Variants in ERGIC1 observed in about 807,000 individuals in gnomAD.
ERGIC1 encodes the protein endoplasmic reticulum-Golgi intermediate compartment protein 1.
ERGIC1 carries 19 observed loss-of-function variants against 38.3 expected under a neutral mutation model. The observed-to-expected ratio is 0.50, with a 90% CI of 0.35 to 0.73. The LOEUF (loss-of-function observed/expected upper bound fraction) is 0.73. ERGIC1 is among the 30% of genes least tolerant of loss of function. The probability of loss-of-function intolerance (pLI) is 0.01; values close to 1 mark genes in which losing one functional copy is unlikely to be tolerated. For missense variants in ERGIC1, 294 were observed against 389.2 expected (o/e 0.76, Z 2.06); for synonymous variants, 124 against 157.6 (o/e 0.79, Z 1.60).
At chr5:172,888,003 C>T (rs1022500564) in intron 1 of ERGIC1, among the ~76,000 whole-genome samples, 19 of 152,190 alleles carry the variant, frequency 1.2e-4, no homozygotes, top group Non-Finnish European at 8.8e-5. Context: ...TTCCTTGCTT[C>T]CTCTAGCGTC....
At chr5:172,899,336 G>A (rs1029652672) in intron 3 of ERGIC1, among the ~76,000 whole-genome samples, 2 of 84,122 alleles carry the variant, frequency 2.4e-5, no homozygotes, top group African/African-American at 1.1e-4. Context: ...TTTTTTTTTG[G>A]AGACGGAGTC....
chr5:172,845,088 G>A (rs2113523480), intron 1 of ERGIC1, among the ~76,000 whole-genome samples: 1 of 152,278 alleles, frequency 6.6e-6, no homozygotes, highest in Non-Finnish European at 1.5e-5. Flanking sequence ...AGCAGGTGAT[G>A]CCGCTAAGTC....
At position 172,952,492 on chromosome 5, in the gene ERGIC1, T is replaced by A; in HGVS notation, c.*1676T>A. The A allele has an allele frequency of 6.9e-6, 1 of 145,522 alleles. No homozygotes were observed. 9.0% of individuals were successfully genotyped at this position (145,522 alleles called of 1,614,324 possible). A position where few individuals can be genotyped will look rare whatever the true frequency, so the allele number is the denominator to read the frequency against. On this transcript the variant is annotated 3_prime_UTR_variant, in exon 10 of 10. Transcript: ENST00000393784. ...TGGAAATGTGTGGCATGCACATGAGTTGAAATTCTTTTATGCATTTTTTTG... is the reference window on the plus strand; with the variant it reads ...TGGAAATGTGTGGCATGCACATGAGATGAAATTCTTTTATGCATTTTTTTG...
rs981173864 is a variant in ERGIC1 at position 172,837,582 on chromosome 5, G to A, written c.20+3149G>A. On this transcript the variant is annotated intron_variant, in intron 1 of 9. Coordinates refer to ENST00000393784, the MANE Select transcript of ERGIC1 (RefSeq NM_001031711.3). This position sits in a 1 kb window ranked among gnomAD's most constrained non-coding sequence, Gnocchi z 4.3. ...GAGATGCCTCTTGAAATCTGTCAAG[G>A]AAGCCATAGACATGACGTGACTTGA... Among the ~76,000 whole-genome samples, 4 of 152,178 alleles carry A rather than the reference G, an allele frequency of 2.6e-5. No homozygotes were observed. Among genetic ancestry groups the A allele is most frequent in the Non-Finnish European group, 4.4e-5 (3 of 68,032 alleles).
At chr5:172,948,947 C>T (rs73327085) in intron 9 of ERGIC1, among the ~76,000 whole-genome samples, 3,152 of 152,130 alleles carry the variant, frequency 0.021, 97 homozygotes, top group African/African-American at 0.07. Flanking sequence ...CTGGCTACCC[C>T]GGAGGCTGAG....
At chr5:172,910,520 C>CTTTTTTTTTTTTTT (rs58360974) in intron 4 of ERGIC1, among the ~76,000 whole-genome samples, 7 of 139,044 alleles carry the variant, frequency 5.0e-5, no homozygotes, top group African/African-American at 2.0e-4. Flanking sequence ...TGAATTACTT[C>CTTTTTTTTTTTTTT]TTTTTTTTTT....
intron 8 of ERGIC1, 27 bp from the exon 9 acceptor site, chr5:172,935,161 T>C: frequency 6.2e-7 from 1 of 1,613,954 alleles, no homozygotes; most frequent in Non-Finnish European, 8.5e-7. Flanking sequence ...CAGTTTGTAC[T>C]TCTGATTCTT....
At chr5:172,897,824 C>T in intron 3 of ERGIC1, 1 of 414,140 alleles carries the variant, frequency 2.4e-6, no homozygotes, top group Non-Finnish European at 4.4e-6. Flanking sequence ...TAACCCCCTT[C>T]CCATTTCTCA....
chr5:172,918,711 G>C (rs1763436464), intron 5 of ERGIC1, among the ~76,000 whole-genome samples: 1 of 152,216 alleles, frequency 6.6e-6, no homozygotes, highest in African/African-American at 2.4e-5. Context: ...CGAAGCAATG[G>C]GAGCCAGACG....
chr5:172,879,814 T>C (rs573324395), intron 1 of ERGIC1, among the ~76,000 whole-genome samples: 1 of 152,274 alleles, frequency 6.6e-6, no homozygotes, highest in East Asian at 1.9e-4. Flanking sequence ...CTATTGACAC[T>C]TGGGGCTGGT....
Position 172,932,701 on chromosome 5 carries a change from A to G in ERGIC1, c.642+165A>G, listed in dbSNP as rs112592649. 1.5e-4 allele frequency: 100 copies of G among 647,516 alleles called. No homozygotes were observed. In the African/African-American group the frequency reaches 1.5e-3, roughly 10 times the overall value. 40.1% of individuals were successfully genotyped at this position (647,516 alleles called of 1,614,324 possible). ...GCGCTGTCCCTGGGTAAAATTGAAA[A>G]GCCCAGTCCCTGCCATGTGGCAGTC... On this transcript the variant is annotated intron_variant, in intron 8 of 9. Coordinates refer to ENST00000393784, the MANE Select transcript of ERGIC1 (RefSeq NM_001031711.3).
chr5:172,907,039 C>T (rs1194812322), intron 3 of ERGIC1, among the ~76,000 whole-genome samples: 1 of 152,216 alleles, frequency 6.6e-6, no homozygotes, highest in Non-Finnish European at 1.5e-5. Flanking sequence ...CCCCCCTCAC[C>T]TCACCCTCCT....
At chr5:172,851,200 CAAAA>C (rs34437961) in intron 1 of ERGIC1, among the ~76,000 whole-genome samples, 16 of 96,644 alleles carry the variant, frequency 1.7e-4, no homozygotes, top group South Asian at 3.4e-4. Context: ...GACTCTGTCT[CAAAA>C]AAAAAAAAAA....
chr5:172,893,905 A>G (rs370284131), intron 2 of ERGIC1, among the ~76,000 whole-genome samples: 1,529 of 15,328 alleles, frequency 0.1, 185 homozygotes, highest in South Asian at 0.24. Flanking sequence ...ATATATATAT[A>G]TGTGTGTGTG....
chr5:172,849,612 T>A (rs1761354943), intron 1 of ERGIC1, among the ~76,000 whole-genome samples: 1 of 151,984 alleles, frequency 6.6e-6, no homozygotes, highest in Non-Finnish European at 1.5e-5. Flanking sequence ...GAGTTGGGGG[T>A]CACACCTGCA....
intron 9 of ERGIC1, among the ~76,000 whole-genome samples, chr5:172,941,752 T>C (rs951970639): frequency 1.1e-4 from 17 of 152,208 alleles, no homozygotes; most frequent in African/African-American, 3.4e-4. Context: ...ACACAAACCA[T>C]TAAAAAAGCC....
At chr5:172,895,516 T>G (rs1375855030) in intron 2 of ERGIC1, among the ~76,000 whole-genome samples, 1 of 152,136 alleles carries the variant, frequency 6.6e-6, no homozygotes, top group Non-Finnish European at 1.5e-5. Flanking sequence ...ACAATACCTG[T>G]TAGGCCCCAG....
chr5:172,899,261 C>T (rs13436612), intron 3 of ERGIC1, among the ~76,000 whole-genome samples: 14,683 of 147,730 alleles, frequency 0.099, 1,334 homozygotes, highest in African/African-American at 0.24. Context: ...GCAGGCAGGA[C>T]GGAGAGGGGC....
chr5:172,874,413 C>T (rs556134917), intron 1 of ERGIC1, among the ~76,000 whole-genome samples: 1 of 152,270 alleles, frequency 6.6e-6, no homozygotes, highest in South Asian at 2.1e-4. Flanking sequence ...CCCACAGATT[C>T]TGAGGCAGTG....
Sources: gnomAD v4.1 joint callset for allele counts (sites outside exome capture counted in the v4.1 genomes callset) on GRCh38, gnomAD v4.1.1 for gene constraint, Gnocchi (gnomAD v3.1) non-coding constraint, MANE v1.5 for transcripts, NCBI Gene and HGNC (gene_info 2026-07-23, HGNC 2026-07-21) for gene names.